The following IGF2BP2 variants were observed in gnomAD, a reference collection of about 807,000 sequenced individuals.
IGF2BP2 encodes the protein insulin like growth factor 2 mRNA binding protein 2.
In IGF2BP2, 17 loss-of-function variants were observed where a neutral mutation model predicts 75.8. The ratio of observed to expected loss-of-function variants is 0.22; its 90% confidence interval spans 0.15 to 0.34. The LOEUF is 0.34. Ranked by LOEUF, IGF2BP2 falls within the 10% of genes least tolerant of loss-of-function variation. IGF2BP2 has a pLI of 1.00. For synonymous variants in IGF2BP2, 288 were observed against 295.6 expected (o/e 0.97, Z 0.26); for missense variants, 516 against 772.4 (o/e 0.67, Z 3.93).
chr3:185,751,902 G>T (rs773970838), intron 2 of IGF2BP2, among the ~76,000 whole-genome samples: 7 of 152,116 alleles, frequency 4.6e-5, no homozygotes, highest in Non-Finnish European at 8.8e-5. Flanking sequence ...GGCAGAGTTT[G>T]CAGTGAGCCG....
intron 2 of IGF2BP2, among the ~76,000 whole-genome samples, chr3:185,731,536 A>C (rs1728176832): frequency 6.6e-6 from 1 of 152,140 alleles, no homozygotes; most frequent in Admixed American, 6.5e-5. Flanking sequence ...AACAGGCGTG[A>C]GCCGCTGCAC....
At chr3:185,687,259 G>T in intron 6 of IGF2BP2, 68 bp from the exon 7 acceptor site, 1 of 1,494,724 alleles carries the variant, frequency 6.7e-7, no homozygotes, top group Non-Finnish European at 9.0e-7. Flanking sequence ...CCAAGAAAGC[G>T]TCACACCAAC....
chr3:185,663,442 T>C (rs1298703940), intron 10 of IGF2BP2, among the ~76,000 whole-genome samples: 2 of 152,216 alleles, frequency 1.3e-5, no homozygotes, highest in Non-Finnish European at 2.9e-5. Context: ...GCCTTTTCTC[T>C]GAGTTTGACT....
intron 2 of IGF2BP2, among the ~76,000 whole-genome samples, chr3:185,788,153 T>C (rs956586175): frequency 2.0e-5 from 3 of 152,220 alleles, no homozygotes; most frequent in South Asian, 2.1e-4. Context: ...GGGTCCTTAG[T>C]ATTTGGGAGA....
chr3:185,798,959 T>C (rs116700092), intron 2 of IGF2BP2, among the ~76,000 whole-genome samples: 2,848 of 151,996 alleles, frequency 0.019, 96 homozygotes, highest in African/African-American at 0.065. Context: ...GTATTTTTTG[T>C]AGCAACGGGT....
Position 185,825,037 on chromosome 3 carries a change from C to G in IGF2BP2, c.-77G>C. The G allele has an allele frequency of 8.8e-7, 1 of 1,130,198 alleles. No homozygotes were observed. Among genetic ancestry groups the G allele is most frequent in the Non-Finnish European group, 1.2e-6 (1 of 841,986 alleles). The allele number at this position is 1,130,198 out of a possible 1,614,324, so 70.0% of individuals were successfully genotyped here. A position where few individuals can be genotyped will look rare whatever the true frequency, so the allele number is the denominator to read the frequency against. On this transcript the variant is annotated 5_prime_UTR_variant, in exon 1 of 16. Coordinates refer to ENST00000382199, the MANE Select transcript of IGF2BP2 (RefSeq NM_006548.6). ...CTCGCCTCCTCCGCTGCCCTCGTCT[C>G]TCCTCCTCCTCCGCCCCCCCTCCCC... is the stretch of plus-strand genomic sequence containing the variant.
chr3:185,823,922 C>T (rs1177293882), intron 1 of IGF2BP2, among the ~76,000 whole-genome samples: 4 of 151,888 alleles, frequency 2.6e-5, no homozygotes, highest in African/African-American at 7.3e-5. Context: ...GCTCGCGGGC[C>T]CCCCGGTCGC....
Position 185,824,929 on chromosome 3 carries a change from C to T in IGF2BP2, c.32G>A (p.Ser11Asn). MMNKLYIGNL[S>N]PAVTADDLRQ... ...GAGGTCGTCGGCGGTGACGGCGGGG[C>T]TCAGGTTCCCGATGTAAAGCTTGTT... The change falls in exon 1 of 16, where the codon AGC becomes AAC. Residue 11 changes from serine (S) to asparagine (N), a missense_variant. This residue lies in a region of IGF2BP2 where 312 missense variants were observed against 474.5 expected (regional missense o/e 0.66). Transcript: ENST00000382199. 6.4e-7 allele frequency: 1 copy of T among 1,560,252 alleles called. No individual in the cohort carries two copies. Among genetic ancestry groups the T allele is most frequent in the Non-Finnish European group, 8.7e-7 (1 of 1,150,006 alleles).
At chr3:185,712,711 T>C (rs1198143174) in intron 2 of IGF2BP2, 3 of 151,252 alleles carry the variant, frequency 2.0e-5, no homozygotes, top group Non-Finnish European at 3.0e-5. Context: ...AGGCTACAAA[T>C]AGATGCTGAA....
chr3:185,670,130 T>G (rs1482953915), intron 10 of IGF2BP2, among the ~76,000 whole-genome samples: 1 of 152,264 alleles, frequency 6.6e-6, no homozygotes, highest in African/African-American at 2.4e-5. Flanking sequence ...TGTTTTGTTT[T>G]TAGTTTAACA....
Position 185,728,920 on chromosome 3 carries a change from C to T in IGF2BP2, c.240-30573G>A, listed in dbSNP as rs999306265. On this transcript the variant is annotated intron_variant, in intron 2 of 15. Coordinates refer to ENST00000382199, the MANE Select transcript of IGF2BP2 (RefSeq NM_006548.6). ...CCAAGATGTTATTTGCCTTGTTTAT[C>T]GTGTTAGTATTTTCACTCATGGTGC... 17 of 152,266 alleles carry T rather than the reference C, an allele frequency of 1.1e-4. No individual in the cohort carries two copies. In the East Asian group the frequency reaches 2.9e-3, roughly 26 times the overall value. The allele number at this position is 152,266 out of a possible 1,614,324, so 9.4% of individuals were successfully genotyped here.
At chr3:185,705,564 GGA>G (rs1491136256) in intron 2 of IGF2BP2, among the ~76,000 whole-genome samples, 1 of 122,094 alleles carries the variant, frequency 8.2e-6, no homozygotes, top group African/African-American at 3.2e-5. Flanking sequence ...GAATGAAACA[GGA>G]AAAAAAAAAA....
At chr3:185,696,200 G>A (rs1441008295) in intron 4 of IGF2BP2, among the ~76,000 whole-genome samples, 1 of 152,130 alleles carries the variant, frequency 6.6e-6, no homozygotes, top group Non-Finnish European at 1.5e-5. Flanking sequence ...AGGGATTATT[G>A]GTATAGGAGT....
chr3:185,653,490 G>A (rs926448260), intron 12 of IGF2BP2, among the ~76,000 whole-genome samples: 8 of 152,032 alleles, frequency 5.3e-5, no homozygotes, highest in South Asian at 4.2e-4. Context: ...GAGTGGTGGC[G>A]CGTGCCTGCA....
chr3:185,677,009 T>TTATATATATGGAGAGATATA, intron 7 of IGF2BP2, among the ~76,000 whole-genome samples: 1 of 103,054 alleles, frequency 9.7e-6, no homozygotes, highest in Non-Finnish European at 1.9e-5. Flanking sequence ...TATGGAGAGA[T>TTATATATATGGAGAGATATA]TATATATATG....
intron 5 of IGF2BP2, among the ~76,000 whole-genome samples, chr3:185,690,025 AATAGGTGCCT>A (rs1223707577): frequency 2.0e-5 from 3 of 152,164 alleles, no homozygotes; most frequent in African/African-American, 7.2e-5. Flanking sequence ...ACTCCCATTT[AATAGGTGCCT>A]ATATGGTGCC....
At chr3:185,753,695 C>A (rs1304246158) in intron 2 of IGF2BP2, among the ~76,000 whole-genome samples, 2 of 152,178 alleles carry the variant, frequency 1.3e-5, no homozygotes, top group Admixed American at 1.3e-4. Context: ...ACAATAGCAG[C>A]ATCCTTCTCC....
Position 185,645,556 on chromosome 3 carries a change from C to T in IGF2BP2, c.1775G>A (p.Gly592Glu). Residue 592 changes from glycine to glutamate, a missense_variant, in exon 16 of 16, where the codon GGA becomes GAA. Coordinates refer to ENST00000382199, the MANE Select transcript of IGF2BP2 (RefSeq NM_006548.6). The surrounding 1 kb of genome is among the most constrained non-coding windows in gnomAD (Gnocchi z 4.9). ...VKQQEQKYPQ[G>E]VASQRSK ...TCACTTGCTGCGCTGTGAGGCGACTCCCTGAGGGTATTTCTGCTCCTGCTG... is the reference window on the plus strand; with the variant it reads ...TCACTTGCTGCGCTGTGAGGCGACTTCCTGAGGGTATTTCTGCTCCTGCTG... The T allele has an allele frequency of 6.2e-7, 1 of 1,613,574 alleles. No homozygotes were observed. Among genetic ancestry groups the T allele is most frequent in the Non-Finnish European group, 8.5e-7 (1 of 1,179,506 alleles).
intron 2 of IGF2BP2, among the ~76,000 whole-genome samples, chr3:185,761,363 G>T (rs927834346): frequency 1.3e-5 from 2 of 152,162 alleles, no homozygotes; most frequent in African/African-American, 4.8e-5. Context: ...ATAAACAAAA[G>T]GAAGAAAACA....
Sources: allele counts gnomAD v4.1 joint callset (sites outside exome capture counted in the v4.1 genomes callset), GRCh38; gene constraint gnomAD v4.1.1; regional missense constraint gnomAD v4.1.1; non-coding constraint Gnocchi (gnomAD v3.1); transcripts MANE v1.5; gene names NCBI Gene and HGNC (gene_info 2026-07-23, HGNC 2026-07-21).